The following PTPRD variants were observed in gnomAD, a reference collection of about 807,000 sequenced individuals.
PTPRD encodes the protein protein tyrosine phosphatase receptor type D.
A neutral mutation model predicts 214.5 loss-of-function variants in PTPRD; 34 were observed. The ratio of observed to expected loss-of-function variants is 0.16; its 90% CI spans 0.12 to 0.21. The LOEUF is 0.21. Among genes scored for constraint, PTPRD ranks in the 10% least tolerant of loss-of-function variants. The pLI is 1.00. For synonymous variants in PTPRD, 1,128 were observed against 845.7 expected, an observed-to-expected ratio of 1.33 and a Z score of -5.79; for missense variants, 2,545 against 2,398.7, an observed-to-expected ratio of 1.06 and a Z score of -1.27.
intron 7 of PTPRD, among the ~76,000 whole-genome samples, chr9:9,712,197 T>A (rs1387246368): frequency 6.6e-6 from 1 of 152,186 alleles, no homozygotes; most frequent in African/African-American, 2.4e-5. Flanking sequence ...TGATTTACTT[T>A]ATCAATGAAC....
intron 4 of PTPRD, among the ~76,000 whole-genome samples, chr9:9,945,272 A>C (rs772164427): frequency 5.9e-5 from 9 of 152,104 alleles, no homozygotes; most frequent in Non-Finnish European, 8.8e-5. Flanking sequence ...TTACGGAGAA[A>C]ATATGCCTGG....
intron 38 of PTPRD, 49 bp from the exon 39 acceptor site, chr9:8,376,139 G>A (rs754304948): frequency 1.9e-6 from 3 of 1,599,908 alleles, no homozygotes; most frequent in East Asian, 2.2e-5. Context: ...AGCCTCAGGT[G>A]GTAATGATGA....
intron 3 of PTPRD, among the ~76,000 whole-genome samples, chr9:10,324,207 A>G (rs2096604095): frequency 6.6e-6 from 1 of 152,052 alleles, no homozygotes; most frequent in South Asian, 2.1e-4. Context: ...GACTTGATCA[A>G]TATGCAACCC....
At chr9:9,371,788 G>T (rs2059574824) in intron 9 of PTPRD, among the ~76,000 whole-genome samples, 1 of 152,060 alleles carries the variant, frequency 6.6e-6, no homozygotes, top group Non-Finnish European at 1.5e-5. Context: ...CTTTGAATGT[G>T]TCCCAGAGAT....
At chr9:9,391,843 G>A (rs748058361) in intron 9 of PTPRD, among the ~76,000 whole-genome samples, 29 of 152,096 alleles carry the variant, frequency 1.9e-4, no homozygotes, top group Non-Finnish European at 2.9e-4. Flanking sequence ...TCTACACACC[G>A]TTTGTTCCTT....
intron 2 of PTPRD, among the ~76,000 whole-genome samples, chr9:10,606,624 A>T (rs1482719496): frequency 6.6e-6 from 1 of 151,430 alleles, no homozygotes; most frequent in East Asian, 1.9e-4. Context: ...TATGTGGTAT[A>T]AAGAAGCTAT....
At chr9:9,424,854 C>T (rs553090687) in intron 8 of PTPRD, among the ~76,000 whole-genome samples, 3 of 152,204 alleles carry the variant, frequency 2.0e-5, no homozygotes, top group African/African-American at 4.8e-5. Context: ...TGCATATATA[C>T]TATGATGGAT....
chr9:8,352,487 T>C (rs954226194), intron 39 of PTPRD, among the ~76,000 whole-genome samples: 4 of 152,158 alleles, frequency 2.6e-5, no homozygotes, highest in African/African-American at 7.2e-5. Flanking sequence ...TGCCCACTTT[T>C]TGAAAGAGGA....
At chr9:10,539,434 C>T (rs1161006481) in intron 2 of PTPRD, among the ~76,000 whole-genome samples, 2 of 152,224 alleles carry the variant, frequency 1.3e-5, no homozygotes, top group Non-Finnish European at 2.9e-5. Flanking sequence ...ATCTGCCTGC[C>T]TTGGCCTCCC....
At chr9:10,243,534 G>A (rs2091522373) in intron 3 of PTPRD, among the ~76,000 whole-genome samples, 1 of 151,738 alleles carries the variant, frequency 6.6e-6, no homozygotes, top group Non-Finnish European at 1.5e-5. Context: ...CCTCTTAACT[G>A]ATTTCCAATC....
intron 11 of PTPRD, among the ~76,000 whole-genome samples, chr9:8,807,638 G>C (rs2154521390): frequency 6.6e-6 from 1 of 150,746 alleles, no homozygotes. Context: ...CTCTAATATG[G>C]ATTTGGTTAG....
chr9:10,038,536 A>G (rs1455828084), intron 3 of PTPRD, among the ~76,000 whole-genome samples: 3 of 152,054 alleles, frequency 2.0e-5, no homozygotes, highest in African/African-American at 4.8e-5. Flanking sequence ...TTACTCCACA[A>G]CCTCATATTG....
At chr9:9,480,450 G>C (rs892659334) in intron 8 of PTPRD, among the ~76,000 whole-genome samples, 1 of 152,014 alleles carries the variant, frequency 6.6e-6, no homozygotes, top group Non-Finnish European at 1.5e-5. Flanking sequence ...CACAATGAAA[G>C]CTTATACATT....
intron 8 of PTPRD, among the ~76,000 whole-genome samples, chr9:9,486,260 A>G (rs1462187763): frequency 6.7e-6 from 1 of 148,968 alleles, no homozygotes; most frequent in East Asian, 2.0e-4. Flanking sequence ...TTGAATAAGT[A>G]GTCAACATCC....
intron 8 of PTPRD, among the ~76,000 whole-genome samples, chr9:9,513,840 T>A (rs960586174): frequency 5.9e-5 from 9 of 152,066 alleles, no homozygotes; most frequent in African/African-American, 1.7e-4. Flanking sequence ...AAATATCACC[T>A]GCTGGTTTTT....
chr9:10,045,478 A>G (rs1242958358), intron 3 of PTPRD, among the ~76,000 whole-genome samples: 1 of 151,634 alleles, frequency 6.6e-6, no homozygotes, highest in Non-Finnish European at 1.5e-5. Context: ...TGCAACTTTA[A>G]AACAACAAAT....
Position 9,170,053 on chromosome 9 carries a change from C to G in PTPRD, c.-143+13251G>C, listed in dbSNP as rs141029555. On this transcript the variant is annotated intron_variant, in intron 10 of 45. Coordinates refer to ENST00000381196, the MANE Select transcript of PTPRD (RefSeq NM_002839.4). ...TATTTTATTGTAGGATTAAACTAGA[C>G]TAAGCCCATAAAGTTTTCCTGAAAA... Among the ~76,000 whole-genome samples the G allele has an allele frequency of 9.2e-5, 14 of 152,254 alleles. No homozygotes were observed. In the East Asian group the frequency reaches 2.7e-3, roughly 29 times the overall value.
chr9:8,318,045 G>T (rs1164528368), intron 45 of PTPRD, 103 bp from the exon 46 acceptor site: 1 of 1,127,650 alleles, frequency 8.9e-7, no homozygotes. Context: ...CATCTATATA[G>T]GGGCAAAATC....
intron 9 of PTPRD, among the ~76,000 whole-genome samples, chr9:9,291,543 G>A (rs1951138642): frequency 6.6e-6 from 1 of 151,136 alleles, no homozygotes; most frequent in South Asian, 2.1e-4. Flanking sequence ...AGTGTTTTTT[G>A]AAAGACCTGA....
Sources: allele counts gnomAD v4.1 joint callset (sites outside exome capture counted in the v4.1 genomes callset), GRCh38; gene constraint gnomAD v4.1.1; transcripts MANE v1.5; gene names NCBI Gene and HGNC (gene_info 2026-07-23, HGNC 2026-07-21).